ZNF234: variants seen among roughly 807,000 people sequenced by gnomAD.
The protein encoded by ZNF234 is C2-H2 type zinc finger protein.
ZNF234 carries 4 observed loss-of-function variants against 10.3 expected under a neutral mutation model. The observed-to-expected ratio is 0.39, with a 90% CI of 0.19 to 0.89. The LOEUF (loss-of-function observed/expected upper bound fraction) is 0.89. ZNF234 is among the 40% of genes least tolerant of loss of function. ZNF234 has a pLI of 0.38. For synonymous variants in ZNF234, 258 were observed against 280.1 expected (o/e 0.92, Z 0.79); for missense variants, 711 against 836.1 (o/e 0.85, Z 1.85).
In ZNF234 at chr19:44,159,635, A is replaced by G. The variant is rs187429916; in HGVS notation, c.*1516A>G. ...TTTAAAGTGTCAGAAGTAGTTGCCA[A>G]TGCCAAATTTTTATCAGCCCCCTTG... On this transcript the variant is annotated 3_prime_UTR_variant, in exon 6 of 6. Coordinates refer to ENST00000426739, the MANE Select transcript of ZNF234 (RefSeq NM_006630.3). The G allele has an allele frequency of 2.1e-6, 1 of 474,980 alleles. No individual in the cohort carries two copies. Among genetic ancestry groups the G allele is most frequent in the South Asian group, 1.5e-5 (1 of 67,016 alleles). The allele number at this position is 474,980 out of a possible 1,614,324, so 29.4% of individuals were successfully genotyped here.
Position 44,157,473 on chromosome 19 carries a change from G to A in ZNF234, c.1457G>A (p.Cys486Tyr), listed in dbSNP as rs1268934365. The change falls in exon 6 of 6, where the codon TGT becomes TAT. Residue 486 changes from cysteine (C) to tyrosine (Y), a missense_variant. Coordinates refer to ENST00000426739, the MANE Select transcript of ZNF234 (RefSeq NM_006630.3). Reference sequence around the variant, plus strand: ...CATACCGGTGAGAAACCATACAAATGTGAAGAGTGCGGAAAGGGATTTAGT... The same window carrying A: ...CATACCGGTGAGAAACCATACAAATATGAAGAGTGCGGAAAGGGATTTAGT... ...LIHTGEKPYK[C>Y]EECGKGFSRR... 2 of 1,613,916 alleles carry A rather than the reference G, an allele frequency of 1.2e-6. No individual in the cohort carries two copies. The highest frequency in any genetic ancestry group is 1.7e-5 in the Admixed American group (1 of 60,010).
At chr19:44,144,368 T>G (rs534064961) in intron 2 of ZNF234, among the ~76,000 whole-genome samples, 189 bp from the exon 3 acceptor site, 9 of 152,298 alleles carry the variant, frequency 5.9e-5, no homozygotes, top group Admixed American at 2.6e-4. Flanking sequence ...CCAAATAAGA[T>G]TCCATTGTAT....
At chr19:44,151,559 A>T (rs1409731813) in intron 5 of ZNF234, among the ~76,000 whole-genome samples, 1 of 152,186 alleles carries the variant, frequency 6.6e-6, no homozygotes, top group African/African-American at 2.4e-5. Context: ...ATTAAATGAT[A>T]AAAATGTATT....
Position 44,158,038 on chromosome 19 carries a change from T to C in ZNF234, c.2022T>C (p.His674=). 1 of 1,613,730 alleles carries C rather than the reference T, an allele frequency of 6.2e-7. No individual in the cohort carries two copies. The highest frequency in any genetic ancestry group is 8.5e-7 in the Non-Finnish European group (1 of 1,179,830). The change falls in exon 6 of 6, where the codon CAT becomes CAC. Residue 674 remains histidine, a synonymous_variant. Coordinates refer to ENST00000426739, the MANE Select transcript of ZNF234 (RefSeq NM_006630.3). The part of the protein sequence containing the change: ...RSNLVSHHKI[H]AAGTFYENDE... ...ATCTTGTAAGTCATCACAAAATTCATGCTGCTGGTACATTTTATGAAAATG... is the reference window on the plus strand; with the variant it reads ...ATCTTGTAAGTCATCACAAAATTCACGCTGCTGGTACATTTTATGAAAATG...
At chr19:44,145,126 G>A (rs1008342398) in intron 3 of ZNF234, among the ~76,000 whole-genome samples, 4 of 152,178 alleles carry the variant, frequency 2.6e-5, no homozygotes, top group African/African-American at 4.8e-5. Context: ...AAAAATTGGT[G>A]TGAATGAACA....
chr19:44,157,149 G>T lies in ZNF234; in HGVS notation c.1133G>T (p.Gly378Val). ...AAACCATACGTATGTAAAGTGTGTG[G>T]TAAGGGTTTCATTTACAGTTCAAGT... The part of the protein sequence containing the change: ...GEKPYVCKVC[G>V]KGFIYSSSFQ... The change falls in exon 6 of 6, where the codon GGT becomes GTT. Residue 378 changes from glycine (G) to valine (V), a missense_variant. Coordinates refer to ENST00000426739, the MANE Select transcript of ZNF234 (RefSeq NM_006630.3). 1 of 1,614,188 alleles carries T rather than the reference G, an allele frequency of 6.2e-7. No homozygotes were observed. Among genetic ancestry groups the T allele is most frequent in the Non-Finnish European group, 8.5e-7 (1 of 1,180,022 alleles).
At chr19:44,151,745 C>T (rs1968749661) in intron 5 of ZNF234, among the ~76,000 whole-genome samples, 1 of 152,146 alleles carries the variant, frequency 6.6e-6, no homozygotes, top group African/African-American at 2.4e-5. Flanking sequence ...CAGCCAGCAA[C>T]AGTGCTTCTC....
intron 3 of ZNF234, 28 bp downstream of exon 3, chr19:44,144,675 TA>T: frequency 6.5e-7 from 1 of 1,531,568 alleles, no homozygotes; most frequent in Non-Finnish European, 8.8e-7. Context: ...CTCTTGCTGT[TA>T]AAATTCCATC....
At position 44,158,063 on chromosome 19, in the gene ZNF234, GA is replaced by G. The variant is rs758095209; in HGVS notation, c.2048del (p.Asp683ValfsTer20). 1.2e-6 allele frequency: 2 copies of G among 1,612,552 alleles called. No individual in the cohort carries two copies. Among genetic ancestry groups the G allele is most frequent in the Non-Finnish European group, 1.7e-6 (2 of 1,179,624 alleles). The part of the protein sequence containing the change: ...IHAAGTFYEN[D>X]ENSKNIRELS... ...TGCTGCTGGTACATTTTATGAAAAT[GA>G]TGAGAATAGTAAGAACATCAGAGAG... On this transcript the variant is annotated frameshift_variant, in exon 6 of 6. Coordinates refer to ENST00000426739, the MANE Select transcript of ZNF234 (RefSeq NM_006630.3). LOFTEE classifies it low-confidence loss of function (END_TRUNC).
At chr19:44,144,718 A>G in intron 3 of ZNF234, 71 bp downstream of exon 3, 2 of 1,421,334 alleles carry the variant, frequency 1.4e-6, no homozygotes, top group Non-Finnish European at 1.9e-6. Context: ...AGGAAGACTC[A>G]AGAACAACGG....
rs190528267 is a variant in ZNF234, at chr19:44,157,795, A to C, written c.1779A>C (p.Glu593Asp). Residue 593 changes from glutamate (E) to aspartate (D), a missense_variant, in exon 6 of 6, where the codon GAA becomes GAC. By Grantham distance (45) the Glu-to-Asp change is conservative (BLOSUM62 2). Transcript: ENST00000426739. The stretch of plus-strand genomic sequence containing the variant: ...TGCATCAGAGGGTGCACACAGGAGA[A>C]AAACCCTATACATGTGGGGAGTGTG... The part of the protein sequence containing the change: ...LDMHQRVHTG[E>D]KPYTCGECGK... 1.5e-4 allele frequency: 247 copies of C among 1,611,928 alleles called. 2 individuals are homozygous for C. The African/African-American group carries it at 3.0e-3, about 20-fold the overall frequency.
Position 44,156,356 on chromosome 19 carries a change from T to C in ZNF234, c.340T>C (p.Tyr114His), listed in dbSNP as rs955125529. ...WKQIASDLIK[Y>H]EDSMISISRF... Reference sequence around the variant, plus strand: ...ACAGATTGCAAGTGATTTAATCAAGTATGAAGACTCTATGATAAGTATTTC... The same window carrying C: ...ACAGATTGCAAGTGATTTAATCAAGCATGAAGACTCTATGATAAGTATTTC... Residue 114 changes from tyrosine to histidine, a missense_variant, in exon 6 of 6, where the codon TAT (tyrosine) becomes CAT (histidine). Transcript: ENST00000426739. The C allele has an allele frequency of 1.9e-6, 3 of 1,612,906 alleles. No homozygotes were observed. The highest frequency in any genetic ancestry group is 2.5e-6 in the Non-Finnish European group (3 of 1,179,572).
In ZNF234 at chr19:44,148,785, C is replaced by T. The variant is rs759705049; in HGVS notation, c.30C>T (p.Phe10=). The change falls in exon 4 of 6, where the codon TTC becomes TTT. Residue 10 remains phenylalanine (F), a synonymous_variant. Coordinates refer to ENST00000426739, the MANE Select transcript of ZNF234 (RefSeq NM_006630.3). ...TGATGTTATAGGAGGGACTGACCTT[C>T]AAGGATGTGGCTGTGGTCTTCACTG... MTTFKEGLT[F]KDVAVVFTEE... 6.2e-7 allele frequency: 1 copy of T among 1,613,886 alleles called. No homozygotes were observed. The highest frequency in any genetic ancestry group is 8.5e-7 in the Non-Finnish European group (1 of 1,179,862).
intron 4 of ZNF234, chr19:44,149,664 G>A (rs1428193880): frequency 1.3e-5 from 2 of 152,160 alleles, no homozygotes; most frequent in African/African-American, 4.8e-5. Context: ...CCCCCTATGA[G>A]GCAGGGGTTT....
intron 3 of ZNF234, among the ~76,000 whole-genome samples, chr19:44,147,639 G>C (rs1011466650): frequency 6.6e-6 from 1 of 152,186 alleles, no homozygotes; most frequent in African/African-American, 2.4e-5. Context: ...GATCACCTGA[G>C]ATCAGGAGTT....
Position 44,158,594 on chromosome 19 carries a change from AT to A in ZNF234, c.*478del, listed in dbSNP as rs1968969688. 1.1e-5 allele frequency: 2 copies of A among 187,422 alleles called. No individual in the cohort carries two copies. Among genetic ancestry groups the A allele is most frequent in the African/African-American group, 4.8e-5 (2 of 41,682 alleles). The allele number at this position is 187,422 out of a possible 1,614,324, so 11.6% of individuals were successfully genotyped here. A position where few individuals can be genotyped will look rare whatever the true frequency, so the allele number is the denominator to read the frequency against. On this transcript the variant is annotated 3_prime_UTR_variant, in exon 6 of 6. Transcript: ENST00000426739. ...CTTCTAATTACAGTAGCATTCTCTT[AT>A]TTAAAATATTTGTTTTATTTAAGTC...
At chr19:44,154,580 A>ACAAAT (rs1288858928) in intron 5 of ZNF234, among the ~76,000 whole-genome samples, 1 of 151,538 alleles carries the variant, frequency 6.6e-6, no homozygotes. Context: ...ACACCATTTA[A>ACAAAT]CAAATGTCTA....
intron 3 of ZNF234, among the ~76,000 whole-genome samples, chr19:44,147,716 G>C (rs1407779343): frequency 1.3e-5 from 2 of 152,140 alleles, no homozygotes; most frequent in East Asian, 3.9e-4. Flanking sequence ...GCTGAGCATG[G>C]TGGCGCATGC....
rs1296121957 is a variant in ZNF234 at position 44,156,946 on chromosome 19, C to T, written c.930C>T (p.His310=). Reference sequence around the variant, plus strand: ...CACTTAATAATCATTGCATGGTCCACACAGGAGAGAAACCATACAAATGTG... The same window carrying T: ...CACTTAATAATCATTGCATGGTCCATACAGGAGAGAAACCATACAAATGTG... The part of the protein sequence containing the change: ...RSALNNHCMV[H]TGEKPYKCED... The change falls in exon 6 of 6, where the codon CAC becomes CAT. Residue 310 remains histidine, a synonymous_variant. Transcript: ENST00000426739. 1.2e-6 allele frequency: 2 copies of T among 1,614,204 alleles called. No individual in the cohort carries two copies. Among genetic ancestry groups the T allele is most frequent in the Non-Finnish European group, 1.7e-6 (2 of 1,180,026 alleles).
Sources: allele counts gnomAD v4.1 joint callset (sites outside exome capture counted in the v4.1 genomes callset), GRCh38; gene constraint gnomAD v4.1.1; transcripts MANE v1.5; gene names NCBI Gene and HGNC (gene_info 2026-07-23, HGNC 2026-07-21).